The following DLG2 variants were observed in gnomAD, a reference collection of about 807,000 sequenced individuals.
The protein encoded by DLG2 is discs large MAGUK scaffold protein 2.
Under a neutral mutation model 132.5 loss-of-function variants are expected in DLG2, and 45 were observed. The observed-to-expected ratio is 0.34, with a 90% confidence interval of 0.27 to 0.44. The LOEUF (loss-of-function observed/expected upper bound fraction) is 0.44. Among genes scored for constraint, DLG2 ranks in the 20% least tolerant of loss-of-function variants. DLG2 has a pLI of 1.00. For missense variants in DLG2, 1,045 were observed against 1,196.9 expected (o/e 0.87, Z 1.87); for synonymous variants, 424 against 419.6 (o/e 1.01, Z -0.13).
intron 18 of DLG2, among the ~76,000 whole-genome samples, chr11:83,761,060 C>G (rs1367739904): frequency 6.6e-6 from 1 of 152,200 alleles, no homozygotes; most frequent in Non-Finnish European, 1.5e-5. Context: ...GCTCTCCACC[C>G]TTCTTCACTC....
chr11:84,209,079 T>TCTA (rs2096716359), intron 8 of DLG2, among the ~76,000 whole-genome samples: 1 of 152,176 alleles, frequency 6.6e-6, no homozygotes, highest in Admixed American at 6.5e-5. Flanking sequence ...CTTGAGAGAA[T>TCTA]CTGGAAACAC....
At chr11:85,441,652 A>T (rs1194043671) in intron 3 of DLG2, among the ~76,000 whole-genome samples, 1 of 152,172 alleles carries the variant, frequency 6.6e-6, no homozygotes, top group Non-Finnish European at 1.5e-5. Context: ...TATAGCTTTC[A>T]CAAAAAGAGA....
chr11:84,426,339 A>G (rs529856657), intron 7 of DLG2, among the ~76,000 whole-genome samples: 1 of 152,164 alleles, frequency 6.6e-6, no homozygotes, highest in African/African-American at 2.4e-5. Context: ...CTGGGGACTC[A>G]GCTTACTCAT....
intron 8 of DLG2, among the ~76,000 whole-genome samples, chr11:84,232,100 T>C (rs1306544762): frequency 6.6e-6 from 1 of 152,046 alleles, no homozygotes; most frequent in Non-Finnish European, 1.5e-5. Context: ...AAAGAAAAAC[T>C]GCAACACAAG....
chr11:84,465,690 CA>C (rs1272928615), intron 7 of DLG2, among the ~76,000 whole-genome samples: 1 of 151,144 alleles, frequency 6.6e-6, no homozygotes, highest in Non-Finnish European at 1.5e-5. Context: ...TTTTATGGTA[CA>C]AAACTACTCT....
intron 3 of DLG2, among the ~76,000 whole-genome samples, chr11:85,410,029 A>T (rs2089171652): frequency 6.6e-6 from 1 of 151,916 alleles, no homozygotes; most frequent in African/African-American, 2.4e-5. Context: ...TTTAGTACGG[A>T]ATGGCATAGC....
intron 6 of DLG2, among the ~76,000 whole-genome samples, chr11:84,728,048 G>C (rs1401256221): frequency 6.6e-6 from 1 of 152,010 alleles, no homozygotes; most frequent in Non-Finnish European, 1.5e-5. Flanking sequence ...GACACAATTT[G>C]ACTTCCTCTC....
chr11:84,982,335 T>C (rs2154120245), intron 6 of DLG2, among the ~76,000 whole-genome samples: 1 of 152,256 alleles, frequency 6.6e-6, no homozygotes, highest in South Asian at 2.1e-4. Context: ...ATCCATCCTT[T>C]CCACCCAGAA....
At chr11:83,520,284 T>C (rs1270212508) in intron 21 of DLG2, among the ~76,000 whole-genome samples, 2 of 152,234 alleles carry the variant, frequency 1.3e-5, no homozygotes, top group Admixed American at 1.3e-4. Flanking sequence ...GTCACTCAGA[T>C]TTCTCAGAAC....
chr11:84,553,058 C>A (rs1027893618), intron 6 of DLG2, among the ~76,000 whole-genome samples: 2 of 152,130 alleles, frequency 1.3e-5, no homozygotes, highest in African/African-American at 4.8e-5. Context: ...CTTCCTGTCT[C>A]ATGCTTTTCC....
chr11:83,480,605 G>C (rs547452683), intron 22 of DLG2: 95 of 1,556,244 alleles, frequency 6.1e-5, no homozygotes, highest in Non-Finnish European at 7.5e-5. Flanking sequence ...ACAGGAACCC[G>C]CTGCTTGATT....
At chr11:83,983,558 C>A (rs938580959) in intron 11 of DLG2, among the ~76,000 whole-genome samples, 1 of 151,950 alleles carries the variant, frequency 6.6e-6, no homozygotes, top group Non-Finnish European at 1.5e-5. Flanking sequence ...TATAAAGCAA[C>A]ATCTCTGGAA....
At chr11:84,033,851 C>T (rs1344748794) in intron 11 of DLG2, among the ~76,000 whole-genome samples, 1 of 152,058 alleles carries the variant, frequency 6.6e-6, no homozygotes, top group Non-Finnish European at 1.5e-5. Context: ...CCAGCCTGAC[C>T]AACATGGAGA....
At chr11:84,541,653 C>T (rs2099371501) in intron 6 of DLG2, among the ~76,000 whole-genome samples, 1 of 152,070 alleles carries the variant, frequency 6.6e-6, no homozygotes, top group Non-Finnish European at 1.5e-5. Context: ...ATCTCCAATG[C>T]CCAACCGACA....
intron 6 of DLG2, among the ~76,000 whole-genome samples, chr11:84,591,676 AT>A (rs991944870): frequency 6.6e-6 from 1 of 151,934 alleles, no homozygotes; most frequent in African/African-American, 2.4e-5. Flanking sequence ...AATTAAAAAA[AT>A]AAAAATAATA....
chr11:84,093,988 T>C (rs372883107), intron 10 of DLG2, among the ~76,000 whole-genome samples: 1 of 151,954 alleles, frequency 6.6e-6, no homozygotes, highest in South Asian at 2.1e-4. Flanking sequence ...ATTTTTATTA[T>C]ACTTTAAGTT....
intron 5 of DLG2, among the ~76,000 whole-genome samples, chr11:85,146,995 G>A (rs968801055): frequency 1.3e-5 from 2 of 152,170 alleles, no homozygotes; most frequent in Non-Finnish European, 2.9e-5. Context: ...ATTCTGCTGT[G>A]AGAGGGCAGA....
rs141427351 is a variant in DLG2 at position 83,823,077 on chromosome 11, T to C, written c.1722+10537A>G. 1.2e-4 allele frequency among the ~76,000 whole-genome samples: 19 copies of C among 152,274 alleles called. 1 individual carries two copies. The highest frequency in any genetic ancestry group is 4.1e-4 in the African/African-American group (17 of 41,544). On this transcript the variant is annotated intron_variant, in intron 17 of 27. Transcript: ENST00000376104. ...ATCACAGTGAGATACTTTATACATA[T>C]ATATGGTAATGCAAATCTAAGGGTT...
chr11:84,787,003 C>T (rs1046493013), intron 6 of DLG2, among the ~76,000 whole-genome samples: 16 of 152,062 alleles, frequency 1.1e-4, no homozygotes, highest in African/African-American at 3.9e-4. Flanking sequence ...TCTAGGAACC[C>T]AAACCAATCT....
Sources: allele counts gnomAD v4.1 joint callset (sites outside exome capture counted in the v4.1 genomes callset), GRCh38; gene constraint gnomAD v4.1.1; transcripts MANE v1.5; gene names NCBI Gene and HGNC (gene_info 2026-07-23, HGNC 2026-07-21).